Variants in HDAC9 observed in about 807,000 individuals in gnomAD.
The protein encoded by HDAC9 is MEF-2 interacting transcription repressor (MITR) protein.
HDAC9 carries 41 observed loss-of-function variants against 139.4 expected under a neutral mutation model. That is an observed-to-expected ratio of 0.29 (90% CI 0.23 to 0.38). HDAC9 has a LOEUF of 0.38. HDAC9 is among the 10% of genes least tolerant of loss of function. The pLI is 1.00. For synonymous variants in HDAC9, 517 were observed against 476.2 expected (o/e 1.09, Z -1.12); for missense variants, 1,147 against 1,297.0 (o/e 0.88, Z 1.78).
At chr7:18,125,042 G>A (rs1784570654) in intron 1 of HDAC9, among the ~76,000 whole-genome samples, 1 of 151,846 alleles carries the variant, frequency 6.6e-6, no homozygotes, top group South Asian at 2.1e-4. Flanking sequence ...GTGTGTTCTT[G>A]AGTCTGTAAT....
intron 1 of HDAC9, among the ~76,000 whole-genome samples, chr7:18,476,582 C>T (rs1245264942): frequency 6.6e-6 from 1 of 151,948 alleles, no homozygotes. Flanking sequence ...TCTGGACTTT[C>T]TCTTTAAACT....
At chr7:18,639,107 C>G (rs139988611) in intron 8 of HDAC9, among the ~76,000 whole-genome samples, 1 of 152,128 alleles carries the variant, frequency 6.6e-6, no homozygotes, top group African/African-American at 2.4e-5. Context: ...CCAGCAGATA[C>G]AAATGCTTTT....
intron 16 of HDAC9, among the ~76,000 whole-genome samples, chr7:18,787,877 C>T (rs748515439): frequency 2.6e-5 from 4 of 152,188 alleles, no homozygotes; most frequent in Admixed American, 2.6e-4. Flanking sequence ...CAGCCTCTTC[C>T]AGTTTGAATA....
At chr7:18,425,901 C>A (rs550535382) in intron 1 of HDAC9, among the ~76,000 whole-genome samples, 2 of 152,228 alleles carry the variant, frequency 1.3e-5, no homozygotes, top group South Asian at 4.2e-4. Context: ...TGATCAAGTC[C>A]AGCCTGCCTT....
At chr7:18,772,370 T>C (rs1790370319) in intron 16 of HDAC9, among the ~76,000 whole-genome samples, 1 of 152,056 alleles carries the variant, frequency 6.6e-6, no homozygotes, top group Non-Finnish European at 1.5e-5. Flanking sequence ...TGCCAAAACT[T>C]TGCATGTTCC....
At chr7:18,435,217 A>G (rs1011928508) in intron 1 of HDAC9, among the ~76,000 whole-genome samples, 2 of 152,078 alleles carry the variant, frequency 1.3e-5, no homozygotes, top group Non-Finnish European at 2.9e-5. Context: ...CCATATAGGA[A>G]CACAAAGAGA....
chr7:18,203,057 C>T (rs987120114), intron 2 of HDAC9, among the ~76,000 whole-genome samples: 4 of 152,184 alleles, frequency 2.6e-5, no homozygotes, highest in Admixed American at 2.0e-4. Context: ...ACAGTCCCCA[C>T]GTGCCTAATT....
At chr7:18,966,521 G>T (rs1783861350) in intron 24 of HDAC9, among the ~76,000 whole-genome samples, 1 of 152,080 alleles carries the variant, frequency 6.6e-6, no homozygotes, top group South Asian at 2.1e-4. Flanking sequence ...CCACCATGAT[G>T]AAACCCTGTC....
chr7:18,112,138 ATG>A (rs1783657931), intron 1 of HDAC9, among the ~76,000 whole-genome samples: 1 of 152,186 alleles, frequency 6.6e-6, no homozygotes, highest in African/African-American at 2.4e-5. Flanking sequence ...AAGGTTATTT[ATG>A]TCTATTATTT....
At chr7:18,125,681 T>C (rs1476491105) in intron 1 of HDAC9, among the ~76,000 whole-genome samples, 2 of 152,036 alleles carry the variant, frequency 1.3e-5, no homozygotes, top group Non-Finnish European at 2.9e-5. Flanking sequence ...ATTTTAGGCT[T>C]TGTGGGCCAT....
At chr7:18,164,621 C>T (rs1223353218) in intron 2 of HDAC9, among the ~76,000 whole-genome samples, 1 of 152,144 alleles carries the variant, frequency 6.6e-6, no homozygotes, top group Non-Finnish European at 1.5e-5. Context: ...AGTGTGAATT[C>T]TTATTTTTCC....
intron 1 of HDAC9, among the ~76,000 whole-genome samples, chr7:18,395,912 C>T (rs1786986051): frequency 6.6e-6 from 1 of 151,938 alleles, no homozygotes; most frequent in African/African-American, 2.4e-5. Flanking sequence ...CTTTTGAAAG[C>T]CTATATATTG....
intron 1 of HDAC9, among the ~76,000 whole-genome samples, chr7:18,094,929 T>C (rs1032668631): frequency 2.6e-5 from 4 of 152,148 alleles, no homozygotes; most frequent in Non-Finnish European, 5.9e-5. Context: ...GAGAAATAAG[T>C]ACATTTCAGT....
intron 1 of HDAC9, among the ~76,000 whole-genome samples, chr7:18,421,695 C>T (rs188170424): frequency 8.5e-5 from 13 of 152,136 alleles, no homozygotes; most frequent in African/African-American, 2.7e-4. Context: ...CTCAGTGTCA[C>T]GGATGAGTGA....
chr7:18,791,935 G>A (rs914555571), intron 16 of HDAC9, among the ~76,000 whole-genome samples: 2 of 152,106 alleles, frequency 1.3e-5, no homozygotes, highest in African/African-American at 4.8e-5. Flanking sequence ...AAGGCACAGA[G>A]CCATTAATTA....
chr7:18,142,421 C>T (rs1785970244), intron 1 of HDAC9, among the ~76,000 whole-genome samples: 1 of 152,106 alleles, frequency 6.6e-6, no homozygotes, highest in African/African-American at 2.4e-5. Context: ...GTTCTTCTCC[C>T]TATTAAAAAA....
At chr7:18,980,737 T>TG (rs1784871383) in intron 25 of HDAC9, among the ~76,000 whole-genome samples, 1 of 127,380 alleles carries the variant, frequency 7.9e-6, no homozygotes, top group East Asian at 2.1e-4. Flanking sequence ...CTTCTTCTTC[T>TG]TCTTCTTCCT....
intron 2 of HDAC9, among the ~76,000 whole-genome samples, chr7:18,532,197 C>A (rs1307101563): frequency 2.6e-5 from 4 of 152,110 alleles, no homozygotes; most frequent in Non-Finnish European, 5.9e-5. Context: ...TTGCAGTGAG[C>A]CCAGATCACA....
rs765624628 is a variant in HDAC9, at chr7:18,422,748, A to G, written c.-41-73514A>G. Among the ~76,000 whole-genome samples the G allele has an allele frequency of 7.5e-3, 871 of 115,594 alleles. 8 individuals carry two copies. Among genetic ancestry groups the G allele is most frequent in the African/African-American group, 0.025 (819 of 33,040 alleles). 75.8% of individuals were successfully genotyped at this position (115,594 alleles called of 152,430 possible). ...AGCTTTAAGACACACACACGCGCAC[A>G]CACACACACACACACACACACACAC... On this transcript the variant is annotated intron_variant, in intron 1 of 3. Coordinates refer to the HDAC9 transcript ENST00000413509.
Sources: gnomAD v4.1 joint callset for allele counts (sites outside exome capture counted in the v4.1 genomes callset) on GRCh38, gnomAD v4.1.1 for gene constraint, MANE v1.5 for transcripts, NCBI Gene and HGNC (gene_info 2026-07-23, HGNC 2026-07-21) for gene names.